CCDC192: variants seen among roughly 807,000 people sequenced by gnomAD.
CCDC192 encodes coiled-coil domain-containing protein 192.
chr5:127,815,439 G>A (rs778052909), intron 5 of CCDC192, among the ~76,000 whole-genome samples: 26 of 152,086 alleles, frequency 1.7e-4, no homozygotes, highest in Non-Finnish European at 3.5e-4. Flanking sequence ...GGATGATAGG[G>A]GGTGGGGAAA....
intron 5 of CCDC192, among the ~76,000 whole-genome samples, chr5:127,807,416 C>A (rs1348193605): frequency 6.6e-6 from 1 of 152,050 alleles, no homozygotes; most frequent in African/African-American, 2.4e-5. Context: ...TCTTCTTAAG[C>A]CTTTCCCAAA....
intron 5 of CCDC192, among the ~76,000 whole-genome samples, chr5:127,803,795 A>T (rs1757634266): frequency 6.6e-6 from 1 of 152,180 alleles, no homozygotes; most frequent in South Asian, 2.1e-4. Context: ...TCAAAATGGA[A>T]ATCTGGGTAA....
chr5:127,761,106 A>C (rs2126888324), intron 3 of CCDC192, among the ~76,000 whole-genome samples: 1 of 152,324 alleles, frequency 6.6e-6, no homozygotes, highest in African/African-American at 2.4e-5. Context: ...TTATTGCAAG[A>C]ACCTAATTTG....
At chr5:127,788,439 G>T (rs1448770141) in intron 3 of CCDC192, among the ~76,000 whole-genome samples, 4 of 152,062 alleles carry the variant, frequency 2.6e-5, no homozygotes, top group Non-Finnish European at 2.9e-5. Context: ...CTTATAATCA[G>T]CATATAATTG....
At chr5:127,739,669 T>G (rs561231030) in intron 2 of CCDC192, 3 of 152,898 alleles carry the variant, frequency 2.0e-5, no homozygotes, top group Non-Finnish European at 2.9e-5. Context: ...AAGTGCAGTA[T>G]TCGGGTGGGA....
At chr5:127,763,685 C>T (rs992494847) in intron 3 of CCDC192, among the ~76,000 whole-genome samples, 9 of 152,174 alleles carry the variant, frequency 5.9e-5, no homozygotes, top group African/African-American at 2.4e-5. Context: ...TCCCTGTATA[C>T]CACTATTACA....
chr5:127,706,894 G>A (rs977951773), intron 1 of CCDC192, among the ~76,000 whole-genome samples: 8 of 152,174 alleles, frequency 5.3e-5, no homozygotes, highest in East Asian at 1.9e-4. Context: ...GATCAAAGAC[G>A]AGAAGGAAGG....
chr5:127,748,782 C>T (rs1393658811), intron 2 of CCDC192, among the ~76,000 whole-genome samples: 1 of 144,224 alleles, frequency 6.9e-6, no homozygotes, highest in Admixed American at 7.0e-5. Context: ...CTTTTATTTC[C>T]TTGAGCAGTG....
intron 3 of CCDC192, among the ~76,000 whole-genome samples, chr5:127,779,359 G>A (rs1395165667): frequency 6.6e-6 from 1 of 151,238 alleles, no homozygotes; most frequent in Non-Finnish European, 1.5e-5. Flanking sequence ...GCAGTGGTGT[G>A]ATCTCGGCTC....
At chr5:127,926,521 T>C (rs983954639) in intron 6 of CCDC192, among the ~76,000 whole-genome samples, 2 of 152,146 alleles carry the variant, frequency 1.3e-5, no homozygotes, top group Non-Finnish European at 2.9e-5. Flanking sequence ...TTGCATGACC[T>C]AACGGGGGTG....
At chr5:127,927,280 G>A (rs1580835579) in intron 6 of CCDC192, among the ~76,000 whole-genome samples, 1 of 152,060 alleles carries the variant, frequency 6.6e-6, no homozygotes, top group Admixed American at 6.5e-5. Context: ...TGTTATAACT[G>A]TTCTATTTTA....
In CCDC192 at chr5:127,732,183, G is replaced by T. The variant is rs1183667724; in HGVS notation, c.115-22085G>T. Among the ~76,000 whole-genome samples, 3 of 151,604 alleles carry T rather than the reference G, an allele frequency of 2.0e-5. No individual in the cohort carries two copies. The East Asian group carries it at 5.8e-4, about 29-fold the overall frequency. On this transcript the variant is annotated intron_variant, in intron 2 of 6. Transcript: ENST00000514853. ...AAAAACCATTAAAAAGTGGGCAAAA[G>T]ACATGAACAGACACTTCTCAAAAGA...
chr5:127,704,832 C>T (rs1448209070), intron 1 of CCDC192, among the ~76,000 whole-genome samples: 1 of 147,858 alleles, frequency 6.8e-6, no homozygotes, highest in Non-Finnish European at 1.5e-5. Context: ...GAGCGAAACT[C>T]CATCTAAAAT....
chr5:127,847,856 C>A (rs202157844), intron 5 of CCDC192, among the ~76,000 whole-genome samples: 162 of 77,512 alleles, frequency 2.1e-3, no homozygotes, highest in African/African-American at 7.7e-3. Context: ...TAAATAAATA[C>A]ATAAATAAAT....
intron 2 of CCDC192, among the ~76,000 whole-genome samples, chr5:127,723,956 A>T (rs928405468): frequency 5.3e-5 from 8 of 152,222 alleles, no homozygotes; most frequent in Non-Finnish European, 7.3e-5. Flanking sequence ...AAAATATTTC[A>T]ATCAATGTGG....
chr5:127,919,073 ATGTGTGTGTGTGTG>A (rs70997353), intron 6 of CCDC192, among the ~76,000 whole-genome samples: 1 of 137,310 alleles, frequency 7.3e-6, no homozygotes, highest in African/African-American at 2.6e-5. Context: ...GTGTGTATAT[ATGTGTGTGTGTGTG>A]TGTGTGTGTG....
rs997432273 is a variant in CCDC192, at chr5:127,865,665, A to C, written c.412-9873A>C. Among the ~76,000 whole-genome samples, 3 of 150,054 alleles carry C rather than the reference A, an allele frequency of 2.0e-5. No individual in the cohort carries two copies. The East Asian group carries it at 5.8e-4, about 29-fold the overall frequency. ...CAGTGTCATCCATACTAGATCAGAT[A>C]TCTTCAGTACACATTTATAAAATTG... is the stretch of plus-strand genomic sequence containing the variant. On this transcript the variant is annotated intron_variant, in intron 5 of 6. Coordinates refer to ENST00000514853, the MANE Select transcript of CCDC192 (RefSeq NM_001317938.2).
At chr5:127,722,843 T>C (rs1249424152) in intron 2 of CCDC192, among the ~76,000 whole-genome samples, 1 of 152,240 alleles carries the variant, frequency 6.6e-6, no homozygotes, top group East Asian at 1.9e-4. Context: ...AGTATCATGC[T>C]GTTTTGGTTA....
chr5:127,833,560 T>C (rs1749896371), intron 5 of CCDC192, among the ~76,000 whole-genome samples: 1 of 152,186 alleles, frequency 6.6e-6, no homozygotes, highest in Admixed American at 6.5e-5. Flanking sequence ...AATGGTTGTT[T>C]AGGTAGAAGG....
Sources: allele counts gnomAD v4.1 joint callset (sites outside exome capture counted in the v4.1 genomes callset), GRCh38; gene constraint gnomAD v4.1.1; transcripts MANE v1.5; gene names NCBI Gene and HGNC (gene_info 2026-07-23, HGNC 2026-07-21).